FARP1: variants seen among roughly 807,000 people sequenced by gnomAD.
FARP1 encodes the protein FERM, ARHGEF and pleckstrin domain-containing protein 1.
A neutral mutation model predicts 128.8 loss-of-function variants in FARP1; 52 were observed. The ratio of observed to expected loss-of-function variants is 0.40; its 90% confidence interval spans 0.32 to 0.51. FARP1 has a LOEUF of 0.51. FARP1 is among the 20% of genes least tolerant of loss of function. The probability of loss-of-function intolerance (pLI) is 0.45; values close to 1 mark genes in which losing one functional copy is unlikely to be tolerated. For synonymous variants in FARP1, 580 were observed against 551.8 expected, an observed-to-expected ratio of 1.05 and a Z score of -0.72; for missense variants, 1,333 against 1,367.9, an observed-to-expected ratio of 0.97 and a Z score of 0.40.
chr13:98,384,892 G>A (rs1890039718), intron 7 of FARP1, 48 bp downstream of exon 7: 2 of 1,147,364 alleles, frequency 1.7e-6, no homozygotes, highest in Non-Finnish European at 2.6e-6. Flanking sequence ...GGTTCTCTCT[G>A]CCTCCAACCT....
intron 1 of FARP1, among the ~76,000 whole-genome samples, chr13:98,191,139 T>G (rs1429692198): frequency 6.6e-6 from 1 of 152,188 alleles, no homozygotes; most frequent in Admixed American, 6.5e-5. Context: ...GCTGTCGTGG[T>G]GACCTCTGAT....
At chr13:98,338,446 A>C (rs1241307790) in intron 2 of FARP1, 1 of 152,214 alleles carries the variant, frequency 6.6e-6, no homozygotes, top group Non-Finnish European at 1.5e-5. Context: ...TTCACTTAGA[A>C]CAGTGTCTGT....
At chr13:98,220,179 G>A (rs61160901) in intron 2 of FARP1, among the ~76,000 whole-genome samples, 3,367 of 152,228 alleles carry the variant, frequency 0.022, 124 homozygotes, top group African/African-American at 0.076. Context: ...CCCTGACAGT[G>A]GGGTTGTCCC....
intron 17 of FARP1, among the ~76,000 whole-genome samples, chr13:98,429,905 GACATGTAT>G (rs1358130127): frequency 2.6e-5 from 4 of 152,082 alleles, no homozygotes; most frequent in African/African-American, 9.7e-5. Flanking sequence ...TATATCTATA[GACATGTAT>G]ACAAATATAC....
chr13:98,241,223 G>A (rs1882752536), intron 2 of FARP1, among the ~76,000 whole-genome samples: 2 of 152,176 alleles, frequency 1.3e-5, no homozygotes, highest in Admixed American at 1.3e-4. Context: ...GGCTGTGGGT[G>A]TGGCGGGCAG....
intron 2 of FARP1, among the ~76,000 whole-genome samples, chr13:98,285,669 A>G (rs1301873911): frequency 6.6e-6 from 1 of 152,158 alleles, no homozygotes; most frequent in Non-Finnish European, 1.5e-5. Flanking sequence ...TTTTTAATCC[A>G]ACAGGCAGCA....
upstream of FARP1, chr13:98,142,850 G>C (rs1336543225): frequency 6.6e-6 from 1 of 151,996 alleles, no homozygotes; most frequent in Non-Finnish European, 1.5e-5. Context: ...AGGTAGCGCC[G>C]CGCGGAGCCC....
intron 3 of FARP1, among the ~76,000 whole-genome samples, chr13:98,352,608 C>T (rs534523736): frequency 4.6e-5 from 7 of 152,300 alleles, no homozygotes; most frequent in African/African-American, 1.4e-4. Flanking sequence ...TGACTTTAAA[C>T]AGGTTAGGAA....
At chr13:98,152,876 G>A (rs1566669067) in intron 1 of FARP1, among the ~76,000 whole-genome samples, 3 of 152,028 alleles carry the variant, frequency 2.0e-5, no homozygotes, top group Non-Finnish European at 2.9e-5. Flanking sequence ...CATGAATTTC[G>A]CGTCCTTTTA....
intron 2 of FARP1, among the ~76,000 whole-genome samples, chr13:98,316,588 C>T (rs1426709772): frequency 6.6e-6 from 1 of 152,194 alleles, no homozygotes; most frequent in Admixed American, 6.5e-5. Context: ...TTTGGGGTCC[C>T]ACCTCTTTCG....
At chr13:98,218,928 G>A (rs1329013147) in intron 2 of FARP1, among the ~76,000 whole-genome samples, 2 of 152,226 alleles carry the variant, frequency 1.3e-5, no homozygotes, top group African/African-American at 2.4e-5. Flanking sequence ...AAAAGACCAC[G>A]TAGGTTCTTT....
rs151218223 is a variant in FARP1 at position 98,349,266 on chromosome 13, A to G, written c.276+5400A>G. On this transcript the variant is annotated intron_variant, in intron 3 of 26. Coordinates refer to ENST00000319562, the MANE Select transcript of FARP1 (RefSeq NM_005766.4). Reference sequence around the variant, plus strand: ...ATGAGGGCTAATCAGATACTTTACAATGATGAGCCCAGCAGGTCTCATGGC... The same window carrying G: ...ATGAGGGCTAATCAGATACTTTACAGTGATGAGCCCAGCAGGTCTCATGGC... 1.5e-4 allele frequency among the ~76,000 whole-genome samples: 23 copies of G among 152,378 alleles called. No individual in the cohort carries two copies. In the East Asian group the frequency reaches 4.2e-3, roughly 28 times the overall value.
At position 98,435,626 on chromosome 13, in the gene FARP1, A is replaced by T; in HGVS notation, c.2194A>T (p.Ile732Phe). The change falls in exon 19 of 27, where the codon ATC (isoleucine) becomes TTC (phenylalanine). Residue 732 changes from isoleucine to phenylalanine, a missense_variant. Transcript: ENST00000319562. ...EMVAQLHGTM[I>F]KMENFQKLHE... ...GGTGGCACAGCTCCACGGTACGATG[A>T]TCAAGATGGAGAATTTCCAGAAGCT... The T allele has an allele frequency of 6.2e-7, 1 of 1,614,054 alleles. No homozygotes were observed. The highest frequency in any genetic ancestry group is 8.5e-7 in the Non-Finnish European group (1 of 1,179,972).
intron 5 of FARP1, among the ~76,000 whole-genome samples, chr13:98,377,422 G>A (rs1326731354): frequency 6.7e-6 from 1 of 150,026 alleles, no homozygotes; most frequent in Non-Finnish European, 1.5e-5. Flanking sequence ...CATTTCATTG[G>A]CAATCCTCTG....
chr13:98,291,611 TC>T (rs547544120), intron 2 of FARP1, among the ~76,000 whole-genome samples: 1 of 152,186 alleles, frequency 6.6e-6, no homozygotes, highest in South Asian at 2.1e-4. Flanking sequence ...GTATATCCCA[TC>T]CCAGCAACAC....
intron 2 of FARP1, among the ~76,000 whole-genome samples, chr13:98,322,271 T>C (rs998453841): frequency 2.0e-5 from 3 of 152,146 alleles, no homozygotes; most frequent in Non-Finnish European, 4.4e-5. Flanking sequence ...GCACTCTAGC[T>C]TGGGTGACAA....
At chr13:98,354,042 T>C (rs1245482771) in intron 3 of FARP1, among the ~76,000 whole-genome samples, 2 of 152,234 alleles carry the variant, frequency 1.3e-5, no homozygotes, top group Non-Finnish European at 2.9e-5. Flanking sequence ...GTAAAGATTG[T>C]AGATATTAAA....
chr13:98,405,616 G>A (rs1423253381), intron 13 of FARP1: 1 of 152,168 alleles, frequency 6.6e-6, no homozygotes, highest in African/African-American at 2.4e-5. Flanking sequence ...GGCAATTTCA[G>A]GAAATAGGAA....
At chr13:98,387,730 T>C (rs1023085091) in intron 8 of FARP1, among the ~76,000 whole-genome samples, 1 of 152,180 alleles carries the variant, frequency 6.6e-6, no homozygotes, top group African/African-American at 2.4e-5. Flanking sequence ...TGTGCTGGCC[T>C]TGAAGACACA....
Sources: gnomAD v4.1 joint callset for allele counts (sites outside exome capture counted in the v4.1 genomes callset) on GRCh38, gnomAD v4.1.1 for gene constraint, MANE v1.5 for transcripts, NCBI Gene and HGNC (gene_info 2026-07-23, HGNC 2026-07-21) for gene names.